Variants in VPS35L observed in about 807,000 individuals in gnomAD.
The protein encoded by VPS35L is VPS35 endosomal protein-sorting factor-like.
VPS35L carries 83 observed loss-of-function variants against 133.0 expected under a neutral mutation model. The ratio of observed to expected loss-of-function variants is 0.62; its 90% CI spans 0.52 to 0.75. The LOEUF is 0.75. VPS35L is among the 30% of genes least tolerant of loss of function. VPS35L has a pLI of 0.00. For missense variants in VPS35L, 1,083 were observed against 1,206.8 expected (o/e 0.90, Z 1.52); for synonymous variants, 423 against 449.9 (o/e 0.94, Z 0.76).
intron 28 of VPS35L, among the ~76,000 whole-genome samples, chr16:19,685,905 T>TTCCTCTCCC (rs1281958691): frequency 1.3e-5 from 2 of 151,500 alleles, no homozygotes; most frequent in Non-Finnish European, 3.0e-5. Flanking sequence ...TCTCCTCTCC[T>TTCCTCTCCC]TCCTCTCCCT....
At chr16:19,598,558 A>G (rs141093332) in intron 8 of VPS35L, among the ~76,000 whole-genome samples, 112 of 152,256 alleles carry the variant, frequency 7.4e-4, no homozygotes, top group African/African-American at 2.7e-3. Context: ...CCAGTGCAGA[A>G]GGATTGCTTG....
At chr16:19,663,215 G>T (rs1178850877) in intron 26 of VPS35L, among the ~76,000 whole-genome samples, 1 of 152,124 alleles carries the variant, frequency 6.6e-6, no homozygotes, top group African/African-American at 2.4e-5. Context: ...GGAGGCTGAG[G>T]CAGGAGAATC....
At chr16:19,652,257 A>G (rs1344224587) in intron 26 of VPS35L, 167 bp downstream of exon 26, 1 of 583,602 alleles carries the variant, frequency 1.7e-6, no homozygotes, top group Non-Finnish European at 3.1e-6. Context: ...GTTTCCTGTA[A>G]CCTCGAACTC....
At chr16:19,647,638 T>G (rs1361846103) in intron 23 of VPS35L, 146 bp from the exon 24 acceptor site, 3 of 669,742 alleles carry the variant, frequency 4.5e-6, no homozygotes, top group Non-Finnish European at 5.3e-6. Context: ...GAGCTTCTGT[T>G]TTATACCCTT....
intron 7 of VPS35L, among the ~76,000 whole-genome samples, chr16:19,586,042 C>A (rs1971853379): frequency 6.6e-6 from 1 of 151,986 alleles, no homozygotes; most frequent in Non-Finnish European, 1.5e-5. Flanking sequence ...GGAGTATAGA[C>A]ATATGCTGCC....
chr16:19,610,002 G>A (rs763572453), intron 11 of VPS35L, among the ~76,000 whole-genome samples: 5 of 152,086 alleles, frequency 3.3e-5, no homozygotes, highest in Non-Finnish European at 5.9e-5. Context: ...GTGCCCAGTC[G>A]ATGGAAAATA....
intron 26 of VPS35L, among the ~76,000 whole-genome samples, chr16:19,668,595 T>C (rs917168831): frequency 6.6e-6 from 1 of 151,390 alleles, no homozygotes; most frequent in Non-Finnish European, 1.5e-5. Flanking sequence ...AAGCTGAGTG[T>C]GTGTGTGTGT....
intron 14 of VPS35L, among the ~76,000 whole-genome samples, chr16:19,624,024 G>A (rs1973176140): frequency 6.8e-6 from 1 of 147,108 alleles, no homozygotes; most frequent in Admixed American, 6.8e-5. Context: ...GACTGGTCTT[G>A]AACTCCTAAG....
At chr16:19,655,563 C>T (rs1187811399) in intron 26 of VPS35L, among the ~76,000 whole-genome samples, 1 of 152,156 alleles carries the variant, frequency 6.6e-6, no homozygotes, top group Non-Finnish European at 1.5e-5. Flanking sequence ...CTGGGTCCAT[C>T]CCGACAAGTA....
intron 26 of VPS35L, among the ~76,000 whole-genome samples, chr16:19,656,006 T>C (rs1194688029): frequency 1.3e-5 from 2 of 152,128 alleles, no homozygotes; most frequent in African/African-American, 4.8e-5. Context: ...CTTATGCCCA[T>C]AATCCCAGCA....
Position 19,601,732 on chromosome 16 carries a change from G to C in VPS35L, c.784+9G>C. On this transcript the variant is annotated intron_variant, in intron 9 of 30. Transcript: ENST00000417362. ...CCGCAGCGTCTTACCAGGTAATGTCGCAGCTGTTCCTGGGGTGTCATTCTG... is the reference window on the plus strand; with the variant it reads ...CCGCAGCGTCTTACCAGGTAATGTCCCAGCTGTTCCTGGGGTGTCATTCTG... 6.2e-7 allele frequency: 1 copy of C among 1,613,898 alleles called. No homozygotes were observed. Among genetic ancestry groups the C allele is most frequent in the Non-Finnish European group, 8.5e-7 (1 of 1,179,878 alleles).
In VPS35L at chr16:19,569,572, C is replaced by T. The variant is rs1385988072; in HGVS notation, c.266C>T (p.Ala89Val). ...ATGTTTGCAGCCACTGCTGACCCCG[C>T]AGCCTTGGCAGCTGCCATGGTAATG... ...LSMFAATADP[A>V]ALAAAMDSSR... The change falls in exon 3 of 31, where the codon GCA becomes GTA. Residue 89 changes from alanine to valine, a missense_variant. Ala to Val is a moderately conservative substitution (Grantham distance 64, BLOSUM62 0). Transcript: ENST00000417362. 3.2e-6 allele frequency: 5 copies of T among 1,556,538 alleles called. No homozygotes were observed. Among genetic ancestry groups the T allele is most frequent in the Non-Finnish European group, 4.3e-6 (5 of 1,153,048 alleles).
Position 19,639,759 on chromosome 16 carries a change from C to T in VPS35L, c.1699-256C>T, listed in dbSNP as rs542636010. On this transcript the variant is annotated intron_variant, in intron 20 of 30. Coordinates refer to ENST00000417362, the MANE Select transcript of VPS35L (RefSeq NM_020314.7). This position sits in a 1 kb window ranked among gnomAD's most constrained non-coding sequence, Gnocchi z 4.1. ...GGCCAGGCTGGTCTTGAACTCCTGG[C>T]CTCAAGTGATCCACCCGCCTCAGCC... Among the ~76,000 whole-genome samples the T allele has an allele frequency of 1.3e-5, 2 of 152,254 alleles. No individual in the cohort carries two copies. The highest frequency in any genetic ancestry group is 2.1e-4 in the South Asian group (1 of 4,822).
At chr16:19,561,228 G>T (rs552978047) in intron 1 of VPS35L, among the ~76,000 whole-genome samples, 1 of 152,026 alleles carries the variant, frequency 6.6e-6, no homozygotes, top group Admixed American at 6.6e-5. Context: ...AAAATTAGCC[G>T]GGTGTGGTGG....
At chr16:19,619,450 C>G (rs999032482) in intron 14 of VPS35L, among the ~76,000 whole-genome samples, 1 of 152,096 alleles carries the variant, frequency 6.6e-6, no homozygotes, top group African/African-American at 2.4e-5. Flanking sequence ...TTTCAGCAAC[C>G]ACATGCTGTC....
chr16:19,693,210 C>T lies in VPS35L; in HGVS notation c.2646+1739C>T, dbSNP rs532115081. Among the ~76,000 whole-genome samples the T allele has an allele frequency of 7.9e-5, 12 of 152,150 alleles. No individual in the cohort carries two copies. The East Asian group carries it at 1.7e-3, about 22-fold the overall frequency. On this transcript the variant is annotated intron_variant, in intron 29 of 30. Transcript: ENST00000417362. Reference sequence around the variant, plus strand: ...TTCAGGAAAACTGGTTTATCAAACCCGTGAGTATCAGACGAGGCAACTCTC... The same window carrying T: ...TTCAGGAAAACTGGTTTATCAAACCTGTGAGTATCAGACGAGGCAACTCTC...
At chr16:19,591,752 T>C (rs773029881) in intron 7 of VPS35L, 38 bp from the exon 8 acceptor site, 1 of 1,483,266 alleles carries the variant, frequency 6.7e-7, no homozygotes, top group Admixed American at 1.7e-5. Context: ...ATACCAGACA[T>C]GCCAGAGTGA....
chr16:19,578,817 T>A, intron 5 of VPS35L: 1 of 554,018 alleles, frequency 1.8e-6, no homozygotes, highest in Admixed American at 3.1e-5. Flanking sequence ...ATGCAGCGGT[T>A]AACCTCTTTG....
In VPS35L at chr16:19,627,807, T is replaced by A; in HGVS notation, c.1383+2T>A. 6.3e-7 allele frequency: 1 copy of A among 1,595,944 alleles called. No individual in the cohort carries two copies. The highest frequency in any genetic ancestry group is 8.6e-7 in the Non-Finnish European group (1 of 1,163,474). On this transcript the variant is annotated splice_donor_variant, in intron 16 of 30. Transcript: ENST00000417362. LOFTEE classifies it high-confidence loss of function. ...TGTGATGAATCTGGTTTCCCCAAGG[T>A]AGGCTCTTGACTTCATGCTCAGTAG...
Sources: allele counts gnomAD v4.1 joint callset (sites outside exome capture counted in the v4.1 genomes callset), GRCh38; gene constraint gnomAD v4.1.1; non-coding constraint Gnocchi (gnomAD v3.1); transcripts MANE v1.5; gene names NCBI Gene and HGNC (gene_info 2026-07-23, HGNC 2026-07-21).